LOXHD1: variants seen among roughly 807,000 people sequenced by gnomAD.
LOXHD1 encodes the protein lipoxygenase homology domain-containing protein 1.
LOXHD1 carries 205 observed loss-of-function variants against 248.2 expected under a neutral mutation model. The observed-to-expected ratio is 0.83, with a 90% confidence interval of 0.74 to 0.93. LOXHD1 has a LOEUF of 0.93. Ranked by LOEUF, LOXHD1 falls within the 40% of genes least tolerant of loss-of-function variation. The probability of loss-of-function intolerance (pLI) is 0.00; values close to 1 mark genes in which losing one functional copy is unlikely to be tolerated. For synonymous variants in LOXHD1, 1,113 were observed against 1,162.8 expected (o/e 0.96, Z 0.87); for missense variants, 2,930 against 2,971.6 (o/e 0.99, Z 0.33).
intron 12 of LOXHD1, among the ~76,000 whole-genome samples, chr18:46,588,464 A>G (rs1362162257): frequency 6.6e-6 from 1 of 152,162 alleles, no homozygotes; most frequent in Non-Finnish European, 1.5e-5. Context: ...ACAATTGTAC[A>G]CTGTTAAAAA....
At chr18:46,572,379 G>A (rs2037769797) in intron 14 of LOXHD1, among the ~76,000 whole-genome samples, 2 of 152,196 alleles carry the variant, frequency 1.3e-5, no homozygotes. Context: ...AAGGAGGGCA[G>A]GGAACTCCTT....
At chr18:46,574,961 CCCAGGGCTCGG>C (rs1301869310) in intron 14 of LOXHD1, among the ~76,000 whole-genome samples, 1 of 152,232 alleles carries the variant, frequency 6.6e-6, no homozygotes, top group Non-Finnish European at 1.5e-5. Flanking sequence ...CCTGGCCTGC[CCCAGGGCTCGG>C]CCCTCACTGT....
At chr18:46,534,525 T>G in intron 26 of LOXHD1, 74 bp from the exon 27 acceptor site, 1 of 1,108,730 alleles carries the variant, frequency 9.0e-7, no homozygotes, top group Non-Finnish European at 1.3e-6. Context: ...ACATCCTGCT[T>G]CCCCAGGGCA....
In LOXHD1 at chr18:46,477,870, C is replaced by T; in HGVS notation, c.6424G>A (p.Glu2142Lys). ...CTCTGGACCTTGCTGGCAAAGCTCTCTGTCGTCTTGGTAACCTCGAATACC... is the reference window on the plus strand; with the variant it reads ...CTCTGGACCTTGCTGGCAAAGCTCTTTGTCGTCTTGGTAACCTCGAATACC... Reference protein sequence around the residue: ...FKVFEVTKTTESFASKVQSLV... With the variant: ...FKVFEVTKTTKSFASKVQSLV... The change falls in exon 41 of 41, where the codon GAG (glutamate) becomes AAG (lysine). Residue 2142 changes from glutamate to lysine, a missense_variant. Physicochemically the swap from Glu to Lys is moderately conservative, Grantham distance 56. Coordinates refer to ENST00000642948, the MANE Select transcript of LOXHD1 (RefSeq NM_001384474.1). 6.4e-7 allele frequency: 1 copy of T among 1,551,822 alleles called. No individual in the cohort carries two copies. Among genetic ancestry groups the T allele is most frequent in the Non-Finnish European group, 8.7e-7 (1 of 1,147,028 alleles).
At chr18:46,654,988 CA>C (rs927266278) in intron 1 of LOXHD1, among the ~76,000 whole-genome samples, 2 of 152,136 alleles carry the variant, frequency 1.3e-5, no homozygotes, top group African/African-American at 4.8e-5. Flanking sequence ...TGATCTTGGG[CA>C]AGTTACTTAA....
At chr18:46,492,213 GCTAA>G (rs1292279168) in intron 37 of LOXHD1, among the ~76,000 whole-genome samples, 1 of 152,236 alleles carries the variant, frequency 6.6e-6, no homozygotes, top group Non-Finnish European at 1.5e-5. Flanking sequence ...GTACAGCATG[GCTAA>G]CTGAGTGGCC....
At chr18:46,506,164 G>T in intron 36 of LOXHD1, 141 bp from the exon 37 acceptor site, 1 of 779,832 alleles carries the variant, frequency 1.3e-6, no homozygotes, top group Non-Finnish European at 2.0e-6. Context: ...CAGGGGTGAG[G>T]TTGGAAAGGG....
intron 12 of LOXHD1, among the ~76,000 whole-genome samples, chr18:46,582,332 T>G (rs561635575): frequency 6.6e-6 from 1 of 152,202 alleles, no homozygotes; most frequent in African/African-American, 2.4e-5. Flanking sequence ...CTACTGAAAT[T>G]GTTAATATTA....
At chr18:46,612,624 C>A (rs941246704) in intron 5 of LOXHD1, among the ~76,000 whole-genome samples, 6 of 152,006 alleles carry the variant, frequency 3.9e-5, no homozygotes, top group African/African-American at 1.4e-4. Context: ...TTCAATTTAT[C>A]AATATTTTCC....
intron 40 of LOXHD1, among the ~76,000 whole-genome samples, chr18:46,480,285 T>C (rs1291415973): frequency 6.6e-6 from 1 of 152,080 alleles, no homozygotes; most frequent in Non-Finnish European, 1.5e-5. Flanking sequence ...AGATAACCCA[T>C]GTAACAGTTG....
intron 19 of LOXHD1, 35 bp downstream of exon 19, chr18:46,560,048 T>TCCCGGGCCCCC: frequency 5.7e-6 from 7 of 1,226,290 alleles, no homozygotes; most frequent in African/African-American, 1.6e-5. Context: ...GTCTGGCCAC[T>TCCCGGGCCCCC]CCCTCCCCAC....
intron 18 of LOXHD1, among the ~76,000 whole-genome samples, chr18:46,561,382 G>C (rs1196501765): frequency 6.6e-6 from 1 of 152,222 alleles, no homozygotes; most frequent in Non-Finnish European, 1.5e-5. Context: ...TAGATCATGA[G>C]ACCTGAGCTC....
rs376186520 is a variant in LOXHD1, at chr18:46,566,377, G to A, written c.2317C>T (p.Arg773Cys). 6.8e-5 allele frequency: 106 copies of A among 1,551,508 alleles called. No individual in the cohort carries two copies. Among genetic ancestry groups the A allele is most frequent in the Middle Eastern group, 1.7e-4 (1 of 6,016 alleles). ...TACTGCTTGCCTTGACGGGGCACAC[G>A]GATCTGAACGCTGCCCAGGAACCAG... is the stretch of plus-strand genomic sequence containing the variant. ...ASWFLGSVQI[R>C]VPRQGKQYTF... The change falls in exon 17 of 41, where the codon CGT becomes TGT. Residue 773 changes from arginine (R) to cysteine (C), a missense_variant. By Grantham distance (180) the Arg-to-Cys change is radical. Coordinates refer to ENST00000642948, the MANE Select transcript of LOXHD1 (RefSeq NM_001384474.1).
At chr18:46,564,002 G>A (rs1243442217) in intron 17 of LOXHD1, among the ~76,000 whole-genome samples, 1 of 152,092 alleles carries the variant, frequency 6.6e-6, no homozygotes, top group African/African-American at 2.4e-5. Flanking sequence ...CATAAGGCAG[G>A]TGATTCAGCA....
At chr18:46,518,077 G>C in intron 34 of LOXHD1, 52 bp downstream of exon 34, 1 of 1,548,854 alleles carries the variant, frequency 6.5e-7, no homozygotes, top group African/African-American at 1.4e-5. Flanking sequence ...GTGGGGCAGA[G>C]GGGGAGAGTT....
At chr18:46,491,448 G>C (rs1390148428) in intron 37 of LOXHD1, among the ~76,000 whole-genome samples, 1 of 152,214 alleles carries the variant, frequency 6.6e-6, no homozygotes, top group Non-Finnish European at 1.5e-5. Context: ...CGAGGTCAAC[G>C]CTGCTGGTCC....
chr18:46,584,515 AAT>A (rs2038023387), intron 12 of LOXHD1, among the ~76,000 whole-genome samples: 1 of 152,150 alleles, frequency 6.6e-6, no homozygotes, highest in African/African-American at 2.4e-5. Context: ...ATACAATTAC[AAT>A]ATGTCCATTA....
chr18:46,592,715 T>A, intron 10 of LOXHD1, 131 bp from the exon 11 acceptor site: 1 of 727,294 alleles, frequency 1.4e-6, no homozygotes. Flanking sequence ...TTTGCTTCAA[T>A]CAAGCCACCC....
intron 14 of LOXHD1, among the ~76,000 whole-genome samples, chr18:46,576,423 C>T (rs1003091759): frequency 6.6e-6 from 1 of 152,118 alleles, no homozygotes. Context: ...CCAGGCGCCC[C>T]TTGCCAACCT....
Sources: allele counts gnomAD v4.1 joint callset (sites outside exome capture counted in the v4.1 genomes callset), GRCh38; gene constraint gnomAD v4.1.1; transcripts MANE v1.5; gene names NCBI Gene and HGNC (gene_info 2026-07-23, HGNC 2026-07-21).